The following RAB8B variants were observed in gnomAD, a reference collection of about 807,000 sequenced individuals.
The protein encoded by RAB8B is RAB8B, member RAS oncogene family, also known as ras-related protein Rab-8B.
In RAB8B, 11 loss-of-function variants were observed where a neutral mutation model predicts 32.0. The observed-to-expected ratio is 0.34, with a 90% CI of 0.22 to 0.57. The LOEUF is 0.57. Among genes scored for constraint, RAB8B ranks in the 20% least tolerant of loss-of-function variants. RAB8B has a pLI of 0.86. For synonymous variants in RAB8B, 103 were observed against 89.6 expected, an observed-to-expected ratio of 1.15 and a Z score of -0.85; for missense variants, 190 against 258.5, an observed-to-expected ratio of 0.73 and a Z score of 1.82.
At chr15:63,254,558 A>T (rs1465116382) in intron 3 of RAB8B, among the ~76,000 whole-genome samples, 1 of 152,080 alleles carries the variant, frequency 6.6e-6, no homozygotes, top group Non-Finnish European at 1.5e-5. Flanking sequence ...GTCTGGGGAT[A>T]TAGATTTTGC....
chr15:63,253,303 ATT>A (rs1203413069), intron 3 of RAB8B, among the ~76,000 whole-genome samples: 3 of 152,150 alleles, frequency 2.0e-5, no homozygotes, highest in African/African-American at 7.2e-5. Flanking sequence ...TATTTCATGT[ATT>A]CTTTGTCTAT....
intron 2 of RAB8B, among the ~76,000 whole-genome samples, chr15:63,245,707 T>C (rs2038065136): frequency 6.6e-6 from 1 of 152,240 alleles, no homozygotes; most frequent in Non-Finnish European, 1.5e-5. Flanking sequence ...TCCAAAATGC[T>C]TGGGAACAGA....
intron 1 of RAB8B, among the ~76,000 whole-genome samples, chr15:63,238,989 T>C (rs757530180): frequency 5.3e-5 from 8 of 152,164 alleles, no homozygotes; most frequent in African/African-American, 4.8e-5. Flanking sequence ...TCTTCTGGTA[T>C]TGCTGTTGTG....
At chr15:63,189,802 A>T in intron 1 of RAB8B, 54 bp downstream of exon 1, 1 of 236,412 alleles carries the variant, frequency 4.2e-6, no homozygotes, top group Non-Finnish European at 6.1e-6. Context: ...GGCGGGTACT[A>T]GGGGACGGGG....
intron 1 of RAB8B, among the ~76,000 whole-genome samples, chr15:63,224,300 TA>T (rs2037871351): frequency 6.6e-6 from 1 of 152,212 alleles, no homozygotes; most frequent in Non-Finnish European, 1.5e-5. Context: ...TATGTATATT[TA>T]AAAGGTATTC....
At chr15:63,199,008 C>T (rs755832503) in intron 1 of RAB8B, among the ~76,000 whole-genome samples, 5 of 152,142 alleles carry the variant, frequency 3.3e-5, no homozygotes, top group African/African-American at 4.8e-5. Context: ...AACAAGGAAT[C>T]GTTTACTTTT....
intron 1 of RAB8B, among the ~76,000 whole-genome samples, chr15:63,219,727 A>T (rs181234249): frequency 2.0e-5 from 3 of 152,330 alleles, no homozygotes; most frequent in East Asian, 3.9e-4. Context: ...AACCAATTCT[A>T]TGGAGGCTGT....
At chr15:63,234,408 T>C (rs1241697637) in intron 1 of RAB8B, among the ~76,000 whole-genome samples, 2 of 152,256 alleles carry the variant, frequency 1.3e-5, no homozygotes, top group African/African-American at 4.8e-5. Context: ...TAAAAGAGTC[T>C]TGTCAATCTG....
At chr15:63,197,454 A>G (rs1270172553) in intron 1 of RAB8B, among the ~76,000 whole-genome samples, 7 of 138,328 alleles carry the variant, frequency 5.1e-5, no homozygotes, top group Admixed American at 3.9e-4. Flanking sequence ...GCTTGCTGCA[A>G]CCTCCGCCTC....
At chr15:63,203,274 A>T (rs2037668295) in intron 1 of RAB8B, among the ~76,000 whole-genome samples, 1 of 152,266 alleles carries the variant, frequency 6.6e-6, no homozygotes, top group Non-Finnish European at 1.5e-5. Context: ...AAAAGTAGAC[A>T]TAAGAACTCA....
chr15:63,246,921 A>G (rs2038076988), intron 2 of RAB8B, among the ~76,000 whole-genome samples: 1 of 152,254 alleles, frequency 6.6e-6, no homozygotes, highest in Admixed American at 6.5e-5. Flanking sequence ...GAATTTTAGT[A>G]TCTGTGTGCC....
intron 3 of RAB8B, among the ~76,000 whole-genome samples, chr15:63,253,673 A>G (rs2038135236): frequency 6.6e-6 from 1 of 152,012 alleles, no homozygotes; most frequent in Non-Finnish European, 1.5e-5. Context: ...AGAAAGAAAG[A>G]AAAAAAAGAA....
chr15:63,231,656 G>C (rs13313493), intron 1 of RAB8B, among the ~76,000 whole-genome samples: 35,074 of 151,974 alleles, frequency 0.23, 4,373 homozygotes, highest in Admixed American at 0.32. Flanking sequence ...TGCTACAAAG[G>C]TACACTTTAT....
Position 63,255,561 on chromosome 15 carries a change from A to C in RAB8B, c.301A>C (p.Asn101His), listed in dbSNP as rs769567512. The C allele has an allele frequency of 6.2e-7, 1 of 1,606,154 alleles. No homozygotes were observed. The highest frequency in any genetic ancestry group is 8.5e-7 in the Non-Finnish European group (1 of 1,172,780). ...TGAAAAATCCTTTGACAATATTAAA[A>C]ATTGGATCAGAAACATTGAAGAGGT... ...TNEKSFDNIK[N>H]WIRNIEEHAS... The change falls in exon 4 of 8, where the codon AAT becomes CAT. Residue 101 changes from asparagine to histidine, a missense_variant. Coordinates refer to ENST00000321437, the MANE Select transcript of RAB8B (RefSeq NM_016530.3).
At chr15:63,251,925 C>T (rs2038119999) in intron 3 of RAB8B, among the ~76,000 whole-genome samples, 1 of 152,006 alleles carries the variant, frequency 6.6e-6, no homozygotes, top group Admixed American at 6.6e-5. Flanking sequence ...AGGTATGTGG[C>T]ATGTTGACAA....
intron 1 of RAB8B, among the ~76,000 whole-genome samples, chr15:63,244,053 G>A (rs1314421729): frequency 6.6e-6 from 1 of 152,152 alleles, no homozygotes; most frequent in African/African-American, 2.4e-5. Flanking sequence ...GCTGTGAAAG[G>A]TCCCACCTCT....
Position 63,202,453 on chromosome 15 carries a change from TC to T in RAB8B, c.124+12708del, listed in dbSNP as rs2037661028. ...GGTCAGTGGACTTGTGGTTTGGGTC[TC>T]CCGGTTTCTAACTCAGGCCCTTAGG... On this transcript the variant is annotated intron_variant, in intron 1 of 7. Coordinates refer to ENST00000321437, the MANE Select transcript of RAB8B (RefSeq NM_016530.3). Among the ~76,000 whole-genome samples, 3 of 152,190 alleles carry T rather than the reference TC, an allele frequency of 2.0e-5. No individual in the cohort carries two copies. The South Asian group carries it at 6.2e-4, about 32-fold the overall frequency.
At chr15:63,220,875 A>G (rs1299154400) in intron 1 of RAB8B, among the ~76,000 whole-genome samples, 7 of 152,200 alleles carry the variant, frequency 4.6e-5, no homozygotes, top group African/African-American at 1.7e-4. Flanking sequence ...TTAAACATTT[A>G]TCAGGCACTT....
intron 1 of RAB8B, among the ~76,000 whole-genome samples, chr15:63,227,009 C>T (rs2037894184): frequency 6.6e-6 from 1 of 152,076 alleles, no homozygotes; most frequent in Non-Finnish European, 1.5e-5. Context: ...GGGAGTGTAG[C>T]AGTGACAACG....
Sources: allele counts gnomAD v4.1 joint callset (sites outside exome capture counted in the v4.1 genomes callset), GRCh38; gene constraint gnomAD v4.1.1; transcripts MANE v1.5; gene names NCBI Gene and HGNC (gene_info 2026-07-23, HGNC 2026-07-21).